The following DOCK7 variants were observed in gnomAD, a reference collection of about 807,000 sequenced individuals.
DOCK7 encodes dedicator of cytokinesis protein 7.
In DOCK7, 138 loss-of-function variants were observed where a neutral mutation model predicts 271.0. The ratio of observed to expected loss-of-function variants is 0.51; its 90% CI spans 0.44 to 0.59. The LOEUF is 0.59. DOCK7 is among the 20% of genes least tolerant of loss of function. The pLI is 0.00. For synonymous variants in DOCK7, 823 were observed against 876.1 expected (o/e 0.94, Z 1.07); for missense variants, 2,066 against 2,592.4 (o/e 0.80, Z 4.41).
intron 9 of DOCK7, 111 bp downstream of exon 9, chr1:62,634,662 G>T: frequency 8.7e-7 from 1 of 1,151,432 alleles, no homozygotes; most frequent in Non-Finnish European, 1.2e-6. Flanking sequence ...AGAATATCAA[G>T]ATGAAAAAAA....
chr1:62,663,832 C>G (rs1428868039), intron 1 of DOCK7, among the ~76,000 whole-genome samples: 1 of 152,148 alleles, frequency 6.6e-6, no homozygotes, highest in African/African-American at 2.4e-5. Context: ...GCTTAAGATA[C>G]TGAATTAGCT....
Position 62,537,990 on chromosome 1 carries a change from G to T in DOCK7, c.3372C>A (p.Ile1124=). The change falls in exon 28 of 50, where the codon ATC becomes ATA. Residue 1124 remains isoleucine (I), a synonymous_variant. Coordinates refer to ENST00000635253, the MANE Select transcript of DOCK7 (RefSeq NM_001367561.1). ...TAACATAGTGCTCATGACTGCAGAT[G>T]ATTCGTAGAAAATCCAGCCTCAAGG... is the stretch of plus-strand genomic sequence containing the variant. ...LVSLRLDFLR[I]ICSHEHYVTL... 1 of 1,614,056 alleles carries T rather than the reference G, an allele frequency of 6.2e-7. No homozygotes were observed. The highest frequency in any genetic ancestry group is 1.1e-5 in the South Asian group (1 of 91,080).
chr1:62,553,961 C>G (rs750711990), intron 21 of DOCK7, among the ~76,000 whole-genome samples: 15 of 152,050 alleles, frequency 9.9e-5, no homozygotes, highest in Non-Finnish European at 1.9e-4. Context: ...CTCTCCTACT[C>G]TGCCCCTTGA....
At chr1:62,533,046 C>G (rs1645226681) in intron 29 of DOCK7, among the ~76,000 whole-genome samples, 2 of 152,264 alleles carry the variant, frequency 1.3e-5, no homozygotes, top group South Asian at 4.1e-4. Flanking sequence ...TATCACTGAG[C>G]TGATGATATT....
intron 18 of DOCK7, among the ~76,000 whole-genome samples, chr1:62,576,462 G>A (rs1424881298): frequency 6.6e-6 from 1 of 152,208 alleles, no homozygotes; most frequent in Admixed American, 6.5e-5. Flanking sequence ...GCTATCAAAA[G>A]TGAGTGACAG....
chr1:62,623,760 G>A (rs1305286727), intron 12 of DOCK7, among the ~76,000 whole-genome samples: 1 of 152,092 alleles, frequency 6.6e-6, no homozygotes, highest in Non-Finnish European at 1.5e-5. Flanking sequence ...TTTTACTACT[G>A]TCCATAATAA....
At chr1:62,610,801 T>C (rs1651680854) in intron 14 of DOCK7, among the ~76,000 whole-genome samples, 2 of 152,238 alleles carry the variant, frequency 1.3e-5, no homozygotes, top group Admixed American at 1.3e-4. Context: ...CTCATCCTTT[T>C]TTATGGCTGC....
At chr1:62,547,138 G>C (rs554341577) in intron 22 of DOCK7, among the ~76,000 whole-genome samples, 1 of 152,014 alleles carries the variant, frequency 6.6e-6, no homozygotes, top group Non-Finnish European at 1.5e-5. Context: ...AAATCTCTTT[G>C]TGCTATGAAT....
rs138239872 is a variant in DOCK7 at position 62,528,223 on chromosome 1, G to A, written c.3864C>T (p.Thr1288=). 1.5e-5 allele frequency: 25 copies of A among 1,613,584 alleles called. No homozygotes were observed. Among genetic ancestry groups the A allele is most frequent in the East Asian group, 1.1e-4 (5 of 44,834 alleles). The part of the protein sequence containing the change: ...ESESGSMISQ[T]VAMAIAGTSV... The stretch of plus-strand genomic sequence containing the variant: ...ATGTCCCTGCGATTGCCATGGCAAC[G>A]GTCTGGCTTATCATACTTCCGCTCT... Residue 1288 remains threonine (T), a synonymous_variant, in exon 31 of 50, where the codon ACC becomes ACT. Transcript: ENST00000635253.
chr1:62,647,693 G>T lies in DOCK7; in HGVS notation c.816C>A (p.Leu272=). The T allele has an allele frequency of 5.6e-6, 9 of 1,593,908 alleles. No homozygotes were observed. Among genetic ancestry groups the T allele is most frequent in the South Asian group, 1.1e-5 (1 of 87,810 alleles). ...GQRLLVKCLS[L]KFEIEIEPIF... is the part of the protein sequence containing the mutation. The stretch of plus-strand genomic sequence containing the variant: ...AAGTAAAAGAAATAAATACTCACTT[G>T]AGTGATAAGCATTTTACAAGAAGTC... The change falls in exon 7 of 50, where the codon CTC becomes CTA. Residue 272 remains leucine (L), a splice_region_variant and synonymous_variant. Coordinates refer to ENST00000635253, the MANE Select transcript of DOCK7 (RefSeq NM_001367561.1).
intron 36 of DOCK7, 75 bp from the exon 37 acceptor site, chr1:62,504,857 C>G: frequency 6.6e-7 from 1 of 1,517,154 alleles, no homozygotes. Flanking sequence ...ATAACCTGAA[C>G]TGGAGACTTG....
At chr1:62,638,897 G>T (rs1461839386) in intron 7 of DOCK7, among the ~76,000 whole-genome samples, 4 of 151,790 alleles carry the variant, frequency 2.6e-5, no homozygotes, top group African/African-American at 9.7e-5. Flanking sequence ...GCATAAACAT[G>T]TAGGTCCTTT....
At chr1:62,601,563 AATT>A (rs1300258981) in intron 14 of DOCK7, among the ~76,000 whole-genome samples, 1 of 151,688 alleles carries the variant, frequency 6.6e-6, no homozygotes, top group Non-Finnish European at 1.5e-5. Context: ...TCTAAAAAAT[AATT>A]AATTTTTTAA....
intron 15 of DOCK7, among the ~76,000 whole-genome samples, chr1:62,585,494 G>A (rs921629868): frequency 6.6e-6 from 1 of 152,050 alleles, no homozygotes; most frequent in African/African-American, 2.4e-5. Context: ...CATGAAACTT[G>A]CATTTATTAG....
chr1:62,562,139 G>A (rs1170937773), intron 18 of DOCK7, among the ~76,000 whole-genome samples: 1 of 150,174 alleles, frequency 6.7e-6, no homozygotes, highest in African/African-American at 2.4e-5. Context: ...CATTTTAATG[G>A]CCTCTAATAT....
chr1:62,533,871 TA>T (rs2149382146), intron 29 of DOCK7, among the ~76,000 whole-genome samples: 1 of 152,250 alleles, frequency 6.6e-6, no homozygotes, highest in South Asian at 2.1e-4. Flanking sequence ...TGCATGAGGC[TA>T]AACTGCATTA....
intron 43 of DOCK7, chr1:62,481,722 G>A (rs1432245251): frequency 6.6e-6 from 1 of 152,110 alleles, no homozygotes; most frequent in Non-Finnish European, 1.5e-5. Context: ...CTATGTCCGG[G>A]ACGAAGAAAT....
intron 1 of DOCK7, among the ~76,000 whole-genome samples, chr1:62,664,873 A>G (rs1224694011): frequency 6.6e-6 from 1 of 152,112 alleles, no homozygotes; most frequent in Non-Finnish European, 1.5e-5. Context: ...TGAAATCTGG[A>G]GAGAGAATGA....
At chr1:62,528,370 C>G (rs931157722) in intron 30 of DOCK7, 65 bp from the exon 31 acceptor site, 3 of 1,400,358 alleles carry the variant, frequency 2.1e-6, no homozygotes, top group Non-Finnish European at 2.9e-6. Context: ...CTTTCCTATT[C>G]TCCACTATTC....
Sources: gnomAD v4.1 joint callset for allele counts (sites outside exome capture counted in the v4.1 genomes callset) on GRCh38, gnomAD v4.1.1 for gene constraint, MANE v1.5 for transcripts, NCBI Gene and HGNC (gene_info 2026-07-23, HGNC 2026-07-21) for gene names.